Variants in ANKRD11 observed in about 807,000 individuals in gnomAD.
ANKRD11 encodes ankyrin repeat domain-containing protein 11.
Under a neutral mutation model 195.7 loss-of-function variants are expected in ANKRD11, and 17 were observed. That is an observed-to-expected ratio of 0.09 (90% CI 0.06 to 0.13). ANKRD11 has a LOEUF of 0.13. Ranked by LOEUF, ANKRD11 falls within the 10% of genes least tolerant of loss-of-function variation. The pLI is 1.00. For synonymous variants in ANKRD11, 1,953 were observed against 1,528.1 expected, an observed-to-expected ratio of 1.28 and a Z score of -6.49; for missense variants, 3,735 against 3,566.1, an observed-to-expected ratio of 1.05 and a Z score of -1.21.
chr16:89,373,825 T>C (rs2040300127), intron 2 of ANKRD11, among the ~76,000 whole-genome samples: 1 of 152,212 alleles, frequency 6.6e-6, no homozygotes, highest in African/African-American at 2.4e-5. Flanking sequence ...GGTTACAAGA[T>C]TGGTAGAACC....
At chr16:89,393,042 T>C (rs1422029794) in intron 2 of ANKRD11, among the ~76,000 whole-genome samples, 1 of 152,066 alleles carries the variant, frequency 6.6e-6, no homozygotes, top group Non-Finnish European at 1.5e-5. Context: ...CCTATGCAAA[T>C]GCTAACCCTC....
intron 2 of ANKRD11, among the ~76,000 whole-genome samples, chr16:89,337,429 CTT>C (rs1165680827): frequency 4.4e-3 from 232 of 53,086 alleles, no homozygotes; most frequent in African/African-American, 0.017. Context: ...CTAAGCAATT[CTT>C]TTTTTTTTTT....
intron 2 of ANKRD11, among the ~76,000 whole-genome samples, chr16:89,334,721 G>A (rs1466377580): frequency 2.0e-5 from 3 of 152,066 alleles, no homozygotes; most frequent in African/African-American, 4.8e-5. Flanking sequence ...AGCACAGGCC[G>A]CCAACCACGT....
chr16:89,273,228 A>G (rs2033336368), intron 11 of ANKRD11, among the ~76,000 whole-genome samples: 1 of 152,126 alleles, frequency 6.6e-6, no homozygotes, highest in African/African-American at 2.4e-5. Context: ...AGAAATAAAG[A>G]GGGAAGTAAT....
At chr16:89,289,457 G>A (rs1436314884) in intron 6 of ANKRD11, among the ~76,000 whole-genome samples, 2 of 152,198 alleles carry the variant, frequency 1.3e-5, no homozygotes, top group Non-Finnish European at 2.9e-5. Flanking sequence ...GGTATTTTAT[G>A]TAAAGAAAGG....
chr16:89,313,630 G>A (rs961364274), intron 3 of ANKRD11: 1 of 1,281,360 alleles, frequency 7.8e-7, no homozygotes, highest in Admixed American at 2.3e-5. Context: ...GCTATATCTG[G>A]AGAAAAGGGA....
At chr16:89,407,107 A>T (rs960732003) in intron 2 of ANKRD11, among the ~76,000 whole-genome samples, 1 of 151,864 alleles carries the variant, frequency 6.6e-6, no homozygotes, top group African/African-American at 2.4e-5. Context: ...AAGCCCAGGT[A>T]CTCGGGAGGC....
chr16:89,333,546 T>C (rs1349141399), intron 2 of ANKRD11, among the ~76,000 whole-genome samples: 2 of 152,224 alleles, frequency 1.3e-5, no homozygotes, highest in South Asian at 2.1e-4. Flanking sequence ...CCCCAGCCCC[T>C]GGCGTCACTG....
chr16:89,362,388 G>C (rs1216126575), intron 2 of ANKRD11, among the ~76,000 whole-genome samples: 1 of 152,200 alleles, frequency 6.6e-6, no homozygotes, highest in Non-Finnish European at 1.5e-5. Flanking sequence ...CTGAGCTGGA[G>C]AGAGTGCACG....
In ANKRD11 at chr16:89,328,708, G is replaced by T. The variant is rs922240437; in HGVS notation, c.-59-11630C>A. 7.6e-5 allele frequency among the ~76,000 whole-genome samples: 11 copies of T among 144,936 alleles called. No homozygotes were observed. In the South Asian group the frequency reaches 2.5e-3, roughly 32 times the overall value. On this transcript the variant is annotated intron_variant, in intron 2 of 12. Coordinates refer to ENST00000301030, the MANE Select transcript of ANKRD11 (RefSeq NM_013275.6). ...CCCAGGAGCACGGGCGAAATCAGTG[G>T]AGGCCCCTGCTGAGTGAGTGGACAT...
intron 1 of ANKRD11, among the ~76,000 whole-genome samples, chr16:89,457,441 T>C (rs1567832106): frequency 6.6e-6 from 1 of 150,378 alleles, no homozygotes. Context: ...TACTTGAAAA[T>C]ACAAAAATTA....
chr16:89,406,644 G>C (rs1419684382), intron 2 of ANKRD11, among the ~76,000 whole-genome samples: 1 of 152,202 alleles, frequency 6.6e-6, no homozygotes, highest in Non-Finnish European at 1.5e-5. Flanking sequence ...ATCAGACACA[G>C]GGTTTTAGTT....
At position 89,282,100 on chromosome 16, in the gene ANKRD11, G is replaced by A. The variant is rs148065431; in HGVS notation, c.4442C>T (p.Ala1481Val). 353 of 1,613,776 alleles carry A rather than the reference G, an allele frequency of 2.2e-4. 1 individual carries two copies. The East Asian group carries it at 7.6e-3, about 35-fold the overall frequency. ...DEKERHRDRH[A>V]DGLLRHHRDE... ...CCTGTGATGCCGCAGCAGCCCATCCGCATGCCTGTCCCGGTGCCTCTCCTT... is the reference window on the plus strand; with the variant it reads ...CCTGTGATGCCGCAGCAGCCCATCCACATGCCTGTCCCGGTGCCTCTCCTT... The change falls in exon 9 of 13, where the codon GCG (alanine) becomes GTG (valine). Residue 1481 changes from alanine to valine, a missense_variant. Coordinates refer to ENST00000301030, the MANE Select transcript of ANKRD11 (RefSeq NM_013275.6).
rs951205778 is a variant in ANKRD11 at position 89,443,646 on chromosome 16, T to G, written c.-144-25278A>C. Among the ~76,000 whole-genome samples, 25 of 152,214 alleles carry G rather than the reference T, an allele frequency of 1.6e-4. 1 individual carries two copies. The highest frequency in any genetic ancestry group is 2.9e-5 in the Non-Finnish European group (2 of 68,032). The stretch of plus-strand genomic sequence containing the variant: ...GCAATACCCTCCGCACCCAGAAGGC[T>G]ACCAGACCTGTTAAGCCTTTTCAAC... On this transcript the variant is annotated intron_variant, in intron 1 of 12. Coordinates refer to ENST00000301030, the MANE Select transcript of ANKRD11 (RefSeq NM_013275.6).
At chr16:89,405,842 C>T (rs2041883076) in intron 2 of ANKRD11, among the ~76,000 whole-genome samples, 1 of 152,142 alleles carries the variant, frequency 6.6e-6, no homozygotes, top group African/African-American at 2.4e-5. Flanking sequence ...CCCAACTTAG[C>T]TCCAGCAAGA....
At chr16:89,444,454 C>T (rs1158129345) in intron 1 of ANKRD11, among the ~76,000 whole-genome samples, 5 of 139,718 alleles carry the variant, frequency 3.6e-5, no homozygotes, top group South Asian at 2.4e-4. Flanking sequence ...TGCAACGGGG[C>T]GGTCGGGGGG....
chr16:89,348,886 A>C (rs2152022710), intron 2 of ANKRD11, among the ~76,000 whole-genome samples: 1 of 151,348 alleles, frequency 6.6e-6, no homozygotes, highest in East Asian at 1.9e-4. Context: ...AAAAAAAAAA[A>C]AAACACCCAG....
At chr16:89,470,185 C>T (rs546379994) in intron 1 of ANKRD11, among the ~76,000 whole-genome samples, 80 of 152,038 alleles carry the variant, frequency 5.3e-4, no homozygotes, top group Admixed American at 9.2e-4. Context: ...GGATTACAGG[C>T]GTGAGTCACC....
At chr16:89,300,855 T>C in intron 4 of ANKRD11, 1 of 702,184 alleles carries the variant, frequency 1.4e-6, no homozygotes, top group Non-Finnish European at 2.6e-6. Flanking sequence ...ATTTTTCCCC[T>C]TGTTCCAAAG....
Sources: gnomAD v4.1 joint callset for allele counts (sites outside exome capture counted in the v4.1 genomes callset) on GRCh38, gnomAD v4.1.1 for gene constraint, MANE v1.5 for transcripts, NCBI Gene and HGNC (gene_info 2026-07-23, HGNC 2026-07-21) for gene names.